KCNH8: variants seen among roughly 807,000 people sequenced by gnomAD.
KCNH8 encodes the protein voltage-gated delayed rectifier potassium channel KCNH8.
A neutral mutation model predicts 103.6 loss-of-function variants in KCNH8; 70 were observed. The ratio of observed to expected loss-of-function variants is 0.68; its 90% CI spans 0.56 to 0.82. The LOEUF is 0.82. KCNH8 is among the 40% of genes least tolerant of loss of function. The probability of loss-of-function intolerance (pLI) is 0.00; values close to 1 mark genes in which losing one functional copy is unlikely to be tolerated. For synonymous variants in KCNH8, 498 were observed against 489.4 expected (o/e 1.02, Z -0.23); for missense variants, 1,217 against 1,329.9 (o/e 0.92, Z 1.32).
At chr3:19,401,944 C>G (rs1194231934) in intron 7 of KCNH8, among the ~76,000 whole-genome samples, 1 of 151,896 alleles carries the variant, frequency 6.6e-6, no homozygotes, top group Non-Finnish European at 1.5e-5. Flanking sequence ...GGAGAAAATA[C>G]TTATACCTAG....
intron 3 of KCNH8, among the ~76,000 whole-genome samples, chr3:19,288,123 C>CTATTCCTTG (rs1321889884): frequency 7.0e-6 from 1 of 142,874 alleles, no homozygotes; most frequent in Non-Finnish European, 1.5e-5. Flanking sequence ...TTAAAACACT[C>CTATTCCTTG]TATTCCTTGC....
At chr3:19,179,650 TA>T (rs1029788654) in intron 1 of KCNH8, among the ~76,000 whole-genome samples, 1 of 152,146 alleles carries the variant, frequency 6.6e-6, no homozygotes, top group Non-Finnish European at 1.5e-5. Flanking sequence ...TCATTCTCTT[TA>T]TTGTTTCCAA....
At chr3:19,414,490 G>A (rs2066833162) in intron 7 of KCNH8, among the ~76,000 whole-genome samples, 1 of 151,834 alleles carries the variant, frequency 6.6e-6, no homozygotes, top group African/African-American at 2.4e-5. Flanking sequence ...AATGTTTAAA[G>A]CATAGGAAAC....
chr3:19,517,906 G>A (rs559902761), intron 14 of KCNH8, 92 bp from the exon 15 acceptor site: 38 of 994,276 alleles, frequency 3.8e-5, no homozygotes, highest in Middle Eastern at 4.3e-4. Context: ...AAAAGTGATA[G>A]CGTGGACTTT....
At chr3:19,274,522 T>A (rs1366442656) in intron 2 of KCNH8, among the ~76,000 whole-genome samples, 1 of 152,150 alleles carries the variant, frequency 6.6e-6, no homozygotes, top group Non-Finnish European at 1.5e-5. Flanking sequence ...GTGTTTACCA[T>A]GGGAACCAAT....
In KCNH8 at chr3:19,472,034, G is replaced by T. The variant is rs549330007; in HGVS notation, c.2040+15052G>T. On this transcript the variant is annotated intron_variant, in intron 11 of 15. Transcript: ENST00000328405. ...AAAGTTTTTTAAAAATGAATTATAAGAATTCTACCAAGTTACAAGTGAATA... is the reference window on the plus strand; with the variant it reads ...AAAGTTTTTTAAAAATGAATTATAATAATTCTACCAAGTTACAAGTGAATA... 3.8e-4 allele frequency among the ~76,000 whole-genome samples: 58 copies of T among 152,196 alleles called. 1 individual carries two copies. Among genetic ancestry groups the T allele is most frequent in the Non-Finnish European group, 6.0e-4 (41 of 68,018 alleles).
intron 1 of KCNH8, among the ~76,000 whole-genome samples, chr3:19,237,935 C>T (rs1478525420): frequency 6.6e-6 from 1 of 152,162 alleles, no homozygotes; most frequent in Admixed American, 6.5e-5. Context: ...ATAAAATTTA[C>T]ATATGTCCTA....
At chr3:19,310,532 T>C (rs959565571) in intron 3 of KCNH8, among the ~76,000 whole-genome samples, 1 of 151,894 alleles carries the variant, frequency 6.6e-6, no homozygotes, top group African/African-American at 2.4e-5. Context: ...AACATTATTG[T>C]TTTTATGAAG....
chr3:19,161,531 C>T (rs981783042), intron 1 of KCNH8, among the ~76,000 whole-genome samples: 15 of 152,074 alleles, frequency 9.9e-5, no homozygotes, highest in Non-Finnish European at 2.1e-4. Context: ...ATCAGGGTTT[C>T]CAGTGGAAAA....
In KCNH8 at chr3:19,477,422, TTC is replaced by T. The variant is rs1233152613; in HGVS notation, c.2040+20442_2040+20443del. Among the ~76,000 whole-genome samples the T allele has an allele frequency of 1.3e-3, 181 of 137,414 alleles. No homozygotes were observed. The East Asian group carries it at 0.043, about 32-fold the overall frequency. 90.1% of individuals were successfully genotyped at this position (137,414 alleles called of 152,430 possible). ...AATGAATGTGAGGATTTTTTTGGTT[TTC>T]TTTTTTTTTTTTTAACTGTAATTTC... On this transcript the variant is annotated intron_variant, in intron 11 of 15. Transcript: ENST00000328405.
chr3:19,318,904 G>A (rs2065313003), intron 3 of KCNH8, among the ~76,000 whole-genome samples: 1 of 151,762 alleles, frequency 6.6e-6, no homozygotes, highest in Non-Finnish European at 1.5e-5. Context: ...CTGATACATA[G>A]TAATGTTGAG....
At chr3:19,355,533 A>G (rs946543084) in intron 5 of KCNH8, among the ~76,000 whole-genome samples, 1 of 152,022 alleles carries the variant, frequency 6.6e-6, no homozygotes, top group Non-Finnish European at 1.5e-5. Context: ...CACATATACA[A>G]CATGGAATAG....
intron 1 of KCNH8, among the ~76,000 whole-genome samples, chr3:19,249,332 A>G (rs113521129): frequency 1.4e-4 from 22 of 152,334 alleles, no homozygotes; most frequent in African/African-American, 5.3e-4. Context: ...GGGACCATTC[A>G]TGTAGCTAGT....
chr3:19,181,087 C>A (rs542033808), intron 1 of KCNH8, among the ~76,000 whole-genome samples: 1 of 152,210 alleles, frequency 6.6e-6, no homozygotes, highest in South Asian at 2.1e-4. Flanking sequence ...TTTCCAGTAA[C>A]ATGATATATT....
At chr3:19,155,890 TTA>T in intron 1 of KCNH8, among the ~76,000 whole-genome samples, 1 of 152,324 alleles carries the variant, frequency 6.6e-6, no homozygotes, top group Admixed American at 6.5e-5. Context: ...CCTTGAAGCC[TTA>T]ACTATGTCAT....
intron 11 of KCNH8, among the ~76,000 whole-genome samples, chr3:19,470,884 A>G (rs1017272012): frequency 6.6e-6 from 1 of 152,236 alleles, no homozygotes; most frequent in African/African-American, 2.4e-5. Flanking sequence ...AATAGGGAGC[A>G]CATAAAAAGC....
At chr3:19,375,960 A>C (rs2066190631) in intron 5 of KCNH8, among the ~76,000 whole-genome samples, 2 of 152,192 alleles carry the variant, frequency 1.3e-5, no homozygotes, top group South Asian at 4.1e-4. Flanking sequence ...GCCCGTTCTC[A>C]GATCTCCAGC....
chr3:19,277,198 A>G (rs1220037075), intron 2 of KCNH8, among the ~76,000 whole-genome samples: 1 of 152,112 alleles, frequency 6.6e-6, no homozygotes, highest in East Asian at 1.9e-4. Flanking sequence ...TAGACTAGGA[A>G]GGGGAGGCAG....
chr3:19,450,867 G>C, intron 9 of KCNH8: 1 of 382,026 alleles, frequency 2.6e-6, no homozygotes, highest in African/African-American at 2.1e-5. Flanking sequence ...GTCCTGACTA[G>C]GACTCTCTGT....
Sources: allele counts gnomAD v4.1 joint callset (sites outside exome capture counted in the v4.1 genomes callset), GRCh38; gene constraint gnomAD v4.1.1; transcripts MANE v1.5; gene names NCBI Gene and HGNC (gene_info 2026-07-23, HGNC 2026-07-21).